Variants in OR2B11 observed in about 807,000 individuals in gnomAD.
The protein encoded by OR2B11 is olfactory receptor 2B11.
For missense variants in OR2B11, 422 were observed against 400.0 expected, an observed-to-expected ratio of 1.05 and a Z score of -0.47; for synonymous variants, 198 against 174.5, an observed-to-expected ratio of 1.13 and a Z score of -1.06.
Position 247,451,147 on chromosome 1 carries a change from G to A in OR2B11, c.836C>T (p.Ser279Phe), listed in dbSNP as rs745322436. The A allele has an allele frequency of 3.9e-6, 6 of 1,534,770 alleles. No individual in the cohort carries two copies. Among genetic ancestry groups the A allele is most frequent in the East Asian group, 2.3e-5 (1 of 44,216 alleles). Residue 279 changes from serine to phenylalanine, a missense_variant, in exon 2 of 2, where the codon TCT (serine) becomes TTT (phenylalanine). Physicochemically the swap from Ser to Phe is radical, Grantham distance 155. Coordinates refer to ENST00000641149, the MANE Select transcript of OR2B11 (RefSeq NM_001004492.2). ...SYSQEQGKFI[S>F]LFYSIITPTL... ...GGGGGTGATTATGGAATAGAAGAGA[G>A]AAATAAATTTGCCCTGCTCTTGGGA...
At position 247,451,061 on chromosome 1, in the gene OR2B11, G is replaced by GTCTCCTCAGA. The variant is rs748047379; in HGVS notation, c.912_921dup (p.Leu308SerfsTer18). The GTCTCCTCAGA allele has an allele frequency of 3.3e-5, 49 of 1,505,152 alleles. No individual in the cohort carries two copies. The Middle Eastern group carries it at 7.3e-4, about 22-fold the overall frequency. The allele number at this position is 1,505,152 out of a possible 1,614,324, so 93.2% of individuals were successfully genotyped here. A position where few individuals can be genotyped will look rare whatever the true frequency, so the allele number is the denominator to read the frequency against. ...CAGAGCCTCCAGATCCTGGCCAGAA[G>GTCTCCTCAGA]TCTCCTCAGAGCCCCCTTCATATCT... On this transcript the variant is annotated frameshift_variant, in exon 2 of 2. Transcript: ENST00000641149. LOFTEE classifies it low-confidence loss of function (END_TRUNC).
Position 247,458,102 on chromosome 1 carries a change from C to T in OR2B11, c.-3546G>A, listed in dbSNP as rs1664998509. On this transcript the variant is annotated 5_prime_UTR_variant, in exon 1 of 2. Coordinates refer to ENST00000641149, the MANE Select transcript of OR2B11 (RefSeq NM_001004492.2). The stretch of plus-strand genomic sequence containing the variant: ...CCCTCAGATTTAACTTGACCTCATT[C>T]TCTCCACTGTTTTCTATAAGGGCCC... 1 of 152,214 alleles carries T rather than the reference C, an allele frequency of 6.6e-6. No individual in the cohort carries two copies. The highest frequency in any genetic ancestry group is 2.1e-4 in the South Asian group (1 of 4,830). The allele number at this position is 152,214 out of a possible 1,614,324, so 9.4% of individuals were successfully genotyped here. A position where few individuals can be genotyped will look rare whatever the true frequency, so the allele number is the denominator to read the frequency against.
At position 247,451,463 on chromosome 1, in the gene OR2B11, C is replaced by G; in HGVS notation, c.520G>C (p.Gly174Arg). ...AAAAAGTTGTTCAGCACCTGCCGCC[C>G]GCAGAATGGCAATTGCACCGTCAGG... Reference protein sequence around the residue: ...VVLTVQLPFCGRQVLNNFFCE... With the variant: ...VVLTVQLPFCRRQVLNNFFCE... The change falls in exon 2 of 2, where the codon GGG becomes CGG. Residue 174 changes from glycine to arginine, a missense_variant. Transcript: ENST00000641149. The G allele has an allele frequency of 6.2e-7, 1 of 1,614,128 alleles. No individual in the cohort carries two copies. The highest frequency in any genetic ancestry group is 8.5e-7 in the Non-Finnish European group (1 of 1,180,014).
chr1:247,450,909 T>G lies in OR2B11; in HGVS notation c.*120A>C. ...GGCATTATAACAGGAAGTGAGATGT[T>G]TGAAGACAGGGTTTTTGAGCTCTCT... On this transcript the variant is annotated 3_prime_UTR_variant, in exon 2 of 2. Coordinates refer to ENST00000641149, the MANE Select transcript of OR2B11 (RefSeq NM_001004492.2). The G allele has an allele frequency of 1.9e-6, 1 of 538,298 alleles. No individual in the cohort carries two copies. Among genetic ancestry groups the G allele is most frequent in the Non-Finnish European group, 3.2e-6 (1 of 316,716 alleles). 33.3% of individuals were successfully genotyped at this position (538,298 alleles called of 1,614,324 possible). A position where few individuals can be genotyped will look rare whatever the true frequency, so the allele number is the denominator to read the frequency against.
In OR2B11 at chr1:247,453,007, G is replaced by A. The variant is rs1451691509; in HGVS notation, c.-1025C>T. ...CACCTGCTGATTCGTGGGTCCTTTCGACTGCACCATTGGCTTCTCACCTCC... is the reference window on the plus strand; with the variant it reads ...CACCTGCTGATTCGTGGGTCCTTTCAACTGCACCATTGGCTTCTCACCTCC... On this transcript the variant is annotated 5_prime_UTR_variant, in exon 2 of 2. Transcript: ENST00000641149. The A allele has an allele frequency of 2.6e-5, 4 of 152,134 alleles. No individual in the cohort carries two copies. Among genetic ancestry groups the A allele is most frequent in the African/African-American group, 4.8e-5 (2 of 41,400 alleles). The allele number at this position is 152,134 out of a possible 1,614,324, so 9.4% of individuals were successfully genotyped here. A position where few individuals can be genotyped will look rare whatever the true frequency, so the allele number is the denominator to read the frequency against.
In OR2B11 at chr1:247,450,962, C is replaced by T. The variant is rs939268042; in HGVS notation, c.*67G>A. The T allele has an allele frequency of 1.1e-6, 1 of 940,198 alleles. No individual in the cohort carries two copies. The highest frequency in any genetic ancestry group is 1.7e-5 in the African/African-American group (1 of 59,830). The allele number at this position is 940,198 out of a possible 1,614,324, so 58.2% of individuals were successfully genotyped here. A position where few individuals can be genotyped will look rare whatever the true frequency, so the allele number is the denominator to read the frequency against. On this transcript the variant is annotated 3_prime_UTR_variant, in exon 2 of 2. Transcript: ENST00000641149. The stretch of plus-strand genomic sequence containing the variant: ...GTATTAACTCCTTAAGTGAAAGATG[C>T]TCTGAGTGCACAATAGACTTGTGCT...
At chr1:247,456,918 A>AT (rs1194849785) in intron 1 of OR2B11, among the ~76,000 whole-genome samples, 3 of 152,206 alleles carry the variant, frequency 2.0e-5, no homozygotes, top group Admixed American at 2.0e-4. Flanking sequence ...ATGATTATTG[A>AT]TTTTGTTAGC....
chr1:247,456,077 C>A lies in OR2B11; in HGVS notation c.-3082-1013G>T, dbSNP rs966132136. ...ACCCACCAGTTCTCTGTGCACTAGG[C>A]ACCGCATATGAGCCTTCCCATATCC... is the stretch of plus-strand genomic sequence containing the variant. On this transcript the variant is annotated intron_variant, in intron 1 of 1. Transcript: ENST00000641149. 2.0e-5 allele frequency among the ~76,000 whole-genome samples: 3 copies of A among 152,314 alleles called. No homozygotes were observed. The East Asian group carries it at 5.8e-4, about 29-fold the overall frequency.
chr1:247,451,957 A>G lies in OR2B11; in HGVS notation c.26T>C (p.Leu9Ser). 1 of 1,584,474 alleles carries G rather than the reference A, an allele frequency of 6.3e-7. No homozygotes were observed. The highest frequency in any genetic ancestry group is 8.6e-7 in the Non-Finnish European group (1 of 1,164,888). ...GATGAAGGCTTTAGGGGAGTCCCCTAAGAAGCTATGGTTGTCACTTTTCAT... is the reference window on the plus strand; with the variant it reads ...GATGAAGGCTTTAGGGGAGTCCCCTGAGAAGCTATGGTTGTCACTTTTCAT... MKSDNHSF[L>S]GDSPKAFILL... Residue 9 changes from leucine to serine, a missense_variant, in exon 2 of 2, where the codon TTA becomes TCA. By Grantham distance (145) the Leu-to-Ser change is moderately radical. Coordinates refer to ENST00000641149, the MANE Select transcript of OR2B11 (RefSeq NM_001004492.2).
chr1:247,457,136 G>T lies in OR2B11; in HGVS notation c.-3083+503C>A, dbSNP rs560069240. Among the ~76,000 whole-genome samples the T allele has an allele frequency of 8.5e-5, 13 of 152,110 alleles. No individual in the cohort carries two copies. The South Asian group carries it at 1.0e-3, about 12-fold the overall frequency. The stretch of plus-strand genomic sequence containing the variant: ...AGGCAGGGTCAGCCCCTCTGCACAT[G>T]CCTCCCCCTACCACCACCACACGTC... On this transcript the variant is annotated intron_variant, in intron 1 of 1. Coordinates refer to ENST00000641149, the MANE Select transcript of OR2B11 (RefSeq NM_001004492.2).
chr1:247,456,435 C>A (rs1040621494), intron 1 of OR2B11, among the ~76,000 whole-genome samples: 1 of 152,198 alleles, frequency 6.6e-6, no homozygotes, highest in African/African-American at 2.4e-5. Flanking sequence ...GCGTGAGCCA[C>A]CTCACCCAGC....
chr1:247,450,453 C>T lies in OR2B11; in HGVS notation c.*576G>A, dbSNP rs557682708. 9.2e-5 allele frequency: 14 copies of T among 152,214 alleles called. No homozygotes were observed. Among genetic ancestry groups the T allele is most frequent in the East Asian group, 1.9e-4 (1 of 5,180 alleles). 9.4% of individuals were successfully genotyped at this position (152,214 alleles called of 1,614,324 possible). On this transcript the variant is annotated 3_prime_UTR_variant, in exon 2 of 2. Coordinates refer to ENST00000641149, the MANE Select transcript of OR2B11 (RefSeq NM_001004492.2). ...TTTAAGGATCCACAATGTTTTCCAT[C>T]GTGGTTGTACTAGTGTTTGTACTAG...
Position 247,451,507 on chromosome 1 carries a change from T to C in OR2B11, c.476A>G (p.Asn159Ser), listed in dbSNP as rs540198012. Residue 159 changes from asparagine (N) to serine (S), a missense_variant, in exon 2 of 2, where the codon AAC becomes AGC. Physicochemically the swap from Asn to Ser is conservative, Grantham distance 46 (BLOSUM62 1). Coordinates refer to ENST00000641149, the MANE Select transcript of OR2B11 (RefSeq NM_001004492.2). Reference protein sequence around the residue: ...VALAWLSGFGNSFVQVVLTVQ... With the variant: ...VALAWLSGFGSSFVQVVLTVQ... ...CGTCAGGACCACCTGCACGAAGGAG[T>C]TGCCGAAGCCACTGAGCCAGGCCAG... 21 of 1,613,858 alleles carry C rather than the reference T, an allele frequency of 1.3e-5. No homozygotes were observed. The highest frequency in any genetic ancestry group is 5.3e-5 in the African/African-American group (4 of 74,946).
intron 1 of OR2B11, among the ~76,000 whole-genome samples, chr1:247,455,484 A>G (rs760015747): frequency 6.6e-6 from 1 of 152,176 alleles, no homozygotes; most frequent in Non-Finnish European, 1.5e-5. Flanking sequence ...TTCATCACAA[A>G]AAGAGAAAGA....
Position 247,451,231 on chromosome 1 carries a change from A to G in OR2B11, c.752T>C (p.Ile251Thr), listed in dbSNP as rs1664835828. The G allele has an allele frequency of 2.5e-6, 4 of 1,601,584 alleles. No homozygotes were observed. The highest frequency in any genetic ancestry group is 3.4e-5 in the Admixed American group (2 of 59,434). The change falls in exon 2 of 2, where the codon ATC becomes ACC. Residue 251 changes from isoleucine to threonine, a missense_variant. Ile to Thr is a moderately conservative substitution (Grantham distance 89). Coordinates refer to ENST00000641149, the MANE Select transcript of OR2B11 (RefSeq NM_001004492.2). ...AFGTCSSHLM[I>T]VSLFYLPAIY... ...CGCAGGTAGGTAGAAGAGGGAGACG[A>G]TCATCAGGTGGGAGGAACACGTCCC...
chr1:247,449,441 A>G lies in OR2B11; in HGVS notation c.*1588T>C, dbSNP rs1664789902. ...ATTATACTTCACAGAGCATTAAGTT[A>G]TAAGGAAATATTTACTAATTGCTTC... is the stretch of plus-strand genomic sequence containing the variant. On this transcript the variant is annotated 3_prime_UTR_variant, in exon 2 of 2. Transcript: ENST00000641149. 1.3e-5 allele frequency: 2 copies of G among 152,244 alleles called. No homozygotes were observed. Among genetic ancestry groups the G allele is most frequent in the South Asian group, 4.1e-4 (2 of 4,834 alleles). 9.4% of individuals were successfully genotyped at this position (152,244 alleles called of 1,614,324 possible).
At position 247,451,137 on chromosome 1, in the gene OR2B11, A is replaced by G. The variant is rs1274024102; in HGVS notation, c.846T>C (p.Tyr282=). 1 of 1,532,290 alleles carries G rather than the reference A, an allele frequency of 6.5e-7. No individual in the cohort carries two copies. The highest frequency in any genetic ancestry group is 8.8e-7 in the Non-Finnish European group (1 of 1,139,776). 94.9% of individuals were successfully genotyped at this position (1,532,290 alleles called of 1,614,324 possible). ...QEQGKFISLF[Y]SIITPTLNPF... is the part of the protein sequence containing the mutation. ...GATTGAGAGTGGGGGTGATTATGGAATAGAAGAGAGAAATAAATTTGCCCT... is the reference window on the plus strand; with the variant it reads ...GATTGAGAGTGGGGGTGATTATGGAGTAGAAGAGAGAAATAAATTTGCCCT... The change falls in exon 2 of 2, where the codon TAT becomes TAC. Residue 282 remains tyrosine (Y), a synonymous_variant. Coordinates refer to ENST00000641149, the MANE Select transcript of OR2B11 (RefSeq NM_001004492.2).
At position 247,450,682 on chromosome 1, in the gene OR2B11, G is replaced by T; in HGVS notation, c.*347C>A. 1 of 178,822 alleles carries T rather than the reference G, an allele frequency of 5.6e-6. No individual in the cohort carries two copies. Among genetic ancestry groups the T allele is most frequent in the Non-Finnish European group, 1.2e-5 (1 of 86,268 alleles). 11.1% of individuals were successfully genotyped at this position (178,822 alleles called of 1,614,324 possible). On this transcript the variant is annotated 3_prime_UTR_variant, in exon 2 of 2. Coordinates refer to ENST00000641149, the MANE Select transcript of OR2B11 (RefSeq NM_001004492.2). ...TAAGATTGTATTTCAGCTTCATCTTGTGTATACTTAGGAGTAATAGAAAAG... is the reference window on the plus strand; with the variant it reads ...TAAGATTGTATTTCAGCTTCATCTTTTGTATACTTAGGAGTAATAGAAAAG...
chr1:247,451,343 G>A lies in OR2B11; in HGVS notation c.640C>T (p.Pro214Ser), dbSNP rs138984792. The change falls in exon 2 of 2, where the codon CCC (proline) becomes TCC (serine). Residue 214 changes from proline (P) to serine (S), a missense_variant. Transcript: ENST00000641149. ...TAGGAGAGAAGGATGAGAGCCAGGGGCACCAACACGAAGAAGGCCACCAGC... is the reference window on the plus strand; with the variant it reads ...TAGGAGAGAAGGATGAGAGCCAGGGACACCAACACGAAGAAGGCCACCAGC... ...AVLVAFFVLV[P>S]LALILLSYGF... 4.7e-4 allele frequency: 762 copies of A among 1,614,156 alleles called. 8 individuals are homozygous for A. In the South Asian group the frequency reaches 5.6e-3, roughly 12 times the overall value.
Sources: allele counts gnomAD v4.1 joint callset (sites outside exome capture counted in the v4.1 genomes callset), GRCh38; gene constraint gnomAD v4.1.1; transcripts MANE v1.5; gene names NCBI Gene and HGNC (gene_info 2026-07-23, HGNC 2026-07-21).